RGS8: variants seen among roughly 807,000 people sequenced by gnomAD.
The protein encoded by RGS8 is regulator of G-protein signaling 8.
A neutral mutation model predicts 21.7 loss-of-function variants in RGS8; 8 were observed. The ratio of observed to expected loss-of-function variants is 0.37; its 90% CI spans 0.22 to 0.66. The LOEUF is 0.66. Ranked by LOEUF, RGS8 falls within the 30% of genes least tolerant of loss-of-function variation. The pLI, the probability that RGS8 is intolerant of heterozygous loss-of-function variation, is 0.59. For missense variants in RGS8, 157 were observed against 217.9 expected (o/e 0.72, Z 1.76); for synonymous variants, 80 against 83.6 (o/e 0.96, Z 0.24).
chr1:182,729,986 G>C, the RGS8 span, among the ~76,000 whole-genome samples: 1 of 152,152 alleles, frequency 6.6e-6, no homozygotes, highest in African/African-American at 2.4e-5. Flanking sequence ...ATCTAAAAAA[G>C]GCTGGTGAAG....
chr1:182,695,939 C>G, the RGS8 span, among the ~76,000 whole-genome samples: 1 of 152,170 alleles, frequency 6.6e-6, no homozygotes, highest in South Asian at 2.1e-4. Flanking sequence ...ATTTACAAGC[C>G]TCTGCACCCA....
the RGS8 span, among the ~76,000 whole-genome samples, chr1:182,739,898 T>G: frequency 6.6e-6 from 1 of 152,178 alleles, no homozygotes; most frequent in Non-Finnish European, 1.5e-5. Flanking sequence ...AACGGCTGTT[T>G]TTATCAATGG....
the RGS8 span, among the ~76,000 whole-genome samples, chr1:182,723,785 G>T: frequency 6.6e-6 from 1 of 152,082 alleles, no homozygotes; most frequent in Non-Finnish European, 1.5e-5. Flanking sequence ...TTGTTCCTTT[G>T]TATGCCTTAA....
chr1:182,709,634 G>A, the RGS8 span, among the ~76,000 whole-genome samples: 16 of 152,062 alleles, frequency 1.1e-4, no homozygotes, highest in Non-Finnish European at 1.5e-4. Context: ...ATATCTCATC[G>A]GCACTCCCCT....
At chr1:182,742,747 G>GAGGGAGAGGGAC in the RGS8 span, among the ~76,000 whole-genome samples, 9 of 150,412 alleles carry the variant, frequency 6.0e-5, no homozygotes, top group South Asian at 2.1e-4. Context: ...GGGAGAGGGA[G>GAGGGAGAGGGAC]AGGGACAGGG....
intron 5 of RGS8, among the ~76,000 whole-genome samples, chr1:182,657,996 C>T (rs1663369032): frequency 6.6e-6 from 1 of 152,170 alleles, no homozygotes; most frequent in Admixed American, 6.5e-5. Flanking sequence ...TTTTATTTCA[C>T]TTTGGTTTTC....
At chr1:182,676,305 A>G (rs184222232), upstream of RGS8, among the ~76,000 whole-genome samples, 1 of 152,376 alleles carries the variant, frequency 6.6e-6, no homozygotes, top group East Asian at 1.9e-4. Context: ...TATGTAATCA[A>G]CATACCACCT....
chr1:182,689,280 C>A (rs1024744296), upstream of RGS8, among the ~76,000 whole-genome samples: 1 of 147,702 alleles, frequency 6.8e-6, no homozygotes, highest in Non-Finnish European at 1.5e-5. Context: ...CACACACACA[C>A]ACACACACAC....
At chr1:182,691,387 T>C in the RGS8 span, among the ~76,000 whole-genome samples, 1 of 152,066 alleles carries the variant, frequency 6.6e-6, no homozygotes, top group African/African-American at 2.4e-5. Flanking sequence ...ATCTGGGCTT[T>C]ATTAGAAAGT....
chr1:182,687,396 T>A (rs1188006996), upstream of RGS8, among the ~76,000 whole-genome samples: 1 of 152,240 alleles, frequency 6.6e-6, no homozygotes, highest in African/African-American at 2.4e-5. Flanking sequence ...GTACTGCACT[T>A]GACAACTATT....
chr1:182,686,462 A>C (rs1177230423), upstream of RGS8, among the ~76,000 whole-genome samples: 3 of 152,190 alleles, frequency 2.0e-5, no homozygotes, highest in African/African-American at 4.8e-5. Flanking sequence ...AGGAAAGGAC[A>C]AAGTACAGAG....
the RGS8 span, among the ~76,000 whole-genome samples, chr1:182,711,369 A>T: frequency 1.3e-5 from 2 of 152,162 alleles, no homozygotes; most frequent in Non-Finnish European, 2.9e-5. Flanking sequence ...TTAAAATGTC[A>T]TTCTTCTGAT....
chr1:182,696,010 G>C, the RGS8 span, among the ~76,000 whole-genome samples: 2 of 152,114 alleles, frequency 1.3e-5, no homozygotes, highest in African/African-American at 4.8e-5. Flanking sequence ...CCTTCTGCTG[G>C]GGAGAGGATT....
chr1:182,690,219 C>A, the RGS8 span, among the ~76,000 whole-genome samples: 1 of 152,086 alleles, frequency 6.6e-6, no homozygotes, highest in Non-Finnish European at 1.5e-5. Context: ...AATGGATAGC[C>A]CCTCTGCTCC....
chr1:182,697,900 G>C, the RGS8 span, among the ~76,000 whole-genome samples: 1 of 152,224 alleles, frequency 6.6e-6, no homozygotes, highest in African/African-American at 2.4e-5. Flanking sequence ...GTGCTTACTA[G>C]AATGATTTAA....
At chr1:182,692,019 T>C in the RGS8 span, among the ~76,000 whole-genome samples, 1 of 151,780 alleles carries the variant, frequency 6.6e-6, no homozygotes, top group Non-Finnish European at 1.5e-5. Context: ...TTTTTTTTTT[T>C]TTTTGAGATA....
the RGS8 span, among the ~76,000 whole-genome samples, chr1:182,741,664 C>G: frequency 1.3e-4 from 15 of 114,464 alleles, no homozygotes; most frequent in African/African-American, 4.7e-4. Context: ...GGCGGCTGGC[C>G]GGGCAGAGGG....
the RGS8 span, among the ~76,000 whole-genome samples, chr1:182,738,148 T>A: frequency 3.3e-5 from 5 of 152,266 alleles, no homozygotes; most frequent in Non-Finnish European, 5.9e-5. Flanking sequence ...ATATTCATTA[T>A]GTTGTATTCA....
At chr1:182,658,606 C>G (rs968926257) in intron 5 of RGS8, 3 of 152,222 alleles carry the variant, frequency 2.0e-5, no homozygotes, top group Non-Finnish European at 4.4e-5. Context: ...AGAAACAAAT[C>G]ACTGCTTTGA....
Sources: allele counts gnomAD v4.1 joint callset (sites outside exome capture counted in the v4.1 genomes callset), GRCh38; gene constraint gnomAD v4.1.1; transcripts MANE v1.5; gene names NCBI Gene and HGNC (gene_info 2026-07-23, HGNC 2026-07-21).